Variants in TGFB2 observed in about 807,000 individuals in gnomAD.
The protein encoded by TGFB2 is transforming growth factor beta 2.
Under a neutral mutation model 42.7 loss-of-function variants are expected in TGFB2, and 13 were observed. That is an observed-to-expected ratio of 0.30 (90% CI 0.20 to 0.48). TGFB2 has a LOEUF of 0.48. Among genes scored for constraint, TGFB2 ranks in the 20% least tolerant of loss-of-function variants. The pLI is 0.99. For synonymous variants in TGFB2, 193 were observed against 193.6 expected, an observed-to-expected ratio of 1.00 and a Z score of 0.03; for missense variants, 390 against 517.5, an observed-to-expected ratio of 0.75 and a Z score of 2.39.
At chr1:218,435,262 G>C (rs908341911) in intron 4 of TGFB2, among the ~76,000 whole-genome samples, 3 of 152,132 alleles carry the variant, frequency 2.0e-5, no homozygotes, top group Non-Finnish European at 2.9e-5. Flanking sequence ...AATACTCCCA[G>C]AGGTCTAGAG....
intron 1 of TGFB2, among the ~76,000 whole-genome samples, chr1:218,355,842 T>C (rs1657015193): frequency 6.6e-6 from 1 of 152,242 alleles, no homozygotes; most frequent in Admixed American, 6.5e-5. Flanking sequence ...TAACTAAATG[T>C]CACTGCCAAT....
chr1:218,394,500 C>T (rs1384015211), intron 1 of TGFB2, among the ~76,000 whole-genome samples: 1 of 152,072 alleles, frequency 6.6e-6, no homozygotes, highest in African/African-American at 2.4e-5. Context: ...TAAGAAGGAG[C>T]CCAAACACTC....
intron 1 of TGFB2, among the ~76,000 whole-genome samples, chr1:218,400,272 CT>C (rs1658670758): frequency 6.6e-6 from 1 of 151,818 alleles, no homozygotes; most frequent in Non-Finnish European, 1.5e-5. Context: ...AAACTTTTTC[CT>C]TTGTTCCATG....
At chr1:218,368,417 A>C (rs1051860409) in intron 1 of TGFB2, among the ~76,000 whole-genome samples, 1 of 152,182 alleles carries the variant, frequency 6.6e-6, no homozygotes, top group South Asian at 2.1e-4. Flanking sequence ...GATTACAGGC[A>C]TGAGCCACCG....
At chr1:218,354,914 T>C (rs1656984080) in intron 1 of TGFB2, among the ~76,000 whole-genome samples, 1 of 152,230 alleles carries the variant, frequency 6.6e-6, no homozygotes, top group South Asian at 2.1e-4. Flanking sequence ...TCTGTTTGTT[T>C]GTTTGTGAGA....
chr1:218,350,687 C>T (rs1656842666), intron 1 of TGFB2, among the ~76,000 whole-genome samples: 1 of 152,126 alleles, frequency 6.6e-6, no homozygotes, highest in African/African-American at 2.4e-5. Context: ...ACAGTATGTA[C>T]TTTATTTTTT....
intron 1 of TGFB2, among the ~76,000 whole-genome samples, chr1:218,380,173 G>C (rs1413842676): frequency 6.6e-6 from 1 of 152,152 alleles, no homozygotes; most frequent in Non-Finnish European, 1.5e-5. Context: ...GCACTCACTC[G>C]CATTCATTGG....
intron 1 of TGFB2, among the ~76,000 whole-genome samples, chr1:218,354,852 T>C (rs1261120882): frequency 6.6e-6 from 1 of 152,212 alleles, no homozygotes; most frequent in Non-Finnish European, 1.5e-5. Context: ...TCAACTTTTA[T>C]TTCTGCACTT....
At chr1:218,366,480 A>G (rs1657391312) in intron 1 of TGFB2, among the ~76,000 whole-genome samples, 1 of 152,124 alleles carries the variant, frequency 6.6e-6, no homozygotes, top group Admixed American at 6.5e-5. Context: ...TAATTAAAAA[A>G]AAAATTTTTT....
At chr1:218,360,002 G>C (rs561407129) in intron 1 of TGFB2, among the ~76,000 whole-genome samples, 7 of 152,240 alleles carry the variant, frequency 4.6e-5, no homozygotes, top group African/African-American at 1.7e-4. Context: ...GGTCAAATGA[G>C]GTTCTGTAAA....
At chr1:218,385,600 T>TAGAGG (rs1658108548) in intron 1 of TGFB2, among the ~76,000 whole-genome samples, 2 of 152,206 alleles carry the variant, frequency 1.3e-5, no homozygotes, top group Admixed American at 1.3e-4. Flanking sequence ...ACCAAGATCT[T>TAGAGG]CTCACATAGC....
In TGFB2 at chr1:218,347,933, A is replaced by ATT. The variant is rs11406779; in HGVS notation, c.346+903_346+904dup. On this transcript the variant is annotated intron_variant, in intron 1 of 6. Transcript: ENST00000366930. Reference sequence around the variant, plus strand: ...AAAACTCAGAGTAGACGACAGCCGTATTTTTTTTTTTTTTTTTTACTGGCT... The same window carrying ATT: ...AAAACTCAGAGTAGACGACAGCCGTATTTTTTTTTTTTTTTTTTTTACTGGCT... Among the ~76,000 whole-genome samples, 118 of 129,882 alleles carry ATT rather than the reference A, an allele frequency of 9.1e-4. 1 individual carries two copies. Among genetic ancestry groups the ATT allele is most frequent in the African/African-American group, 2.7e-3 (96 of 35,908 alleles). 85.2% of individuals were successfully genotyped at this position (129,882 alleles called of 152,430 possible).
intron 1 of TGFB2, among the ~76,000 whole-genome samples, chr1:218,379,114 TTTTC>T (rs376666968): frequency 1.4e-4 from 18 of 130,916 alleles, no homozygotes; most frequent in Non-Finnish European, 2.3e-4. Flanking sequence ...ACATGGTACA[TTTTC>T]TTTCTTTCTT....
At chr1:218,434,567 C>T in intron 4 of TGFB2, 119 bp downstream of exon 4, 1 of 661,994 alleles carries the variant, frequency 1.5e-6, no homozygotes, top group Non-Finnish European at 2.6e-6. Context: ...GAGTTTCATT[C>T]ATTTGGACAG....
intron 4 of TGFB2, among the ~76,000 whole-genome samples, 178 bp downstream of exon 4, chr1:218,434,626 G>A (rs1223442174): frequency 1.3e-5 from 2 of 152,142 alleles, no homozygotes; most frequent in Non-Finnish European, 2.9e-5. Context: ...TTGGAAGAAC[G>A]GAATAGGTTC....
chr1:218,419,360 C>T (rs1248861136), intron 2 of TGFB2, among the ~76,000 whole-genome samples: 1 of 152,210 alleles, frequency 6.6e-6, no homozygotes, highest in African/African-American at 2.4e-5. Context: ...TTAGAGACCA[C>T]CTGCTCAGGG....
intron 1 of TGFB2, 144 bp from the exon 2 acceptor site, chr1:218,405,025 C>A (rs2102594601): frequency 1.2e-6 from 1 of 829,256 alleles, no homozygotes; most frequent in Non-Finnish European, 1.8e-6. Flanking sequence ...TTTCTGGTTA[C>A]ATTGTTAATG....
At chr1:218,363,875 C>T (rs1319431010) in intron 1 of TGFB2, among the ~76,000 whole-genome samples, 10 of 152,208 alleles carry the variant, frequency 6.6e-5, no homozygotes, top group Admixed American at 6.5e-4. Context: ...AGGAGATTTT[C>T]TCTCCTTTAA....
intron 5 of TGFB2, among the ~76,000 whole-genome samples, 164 bp from the exon 6 acceptor site, chr1:218,437,179 G>T (rs1405719267): frequency 6.6e-6 from 1 of 152,112 alleles, no homozygotes; most frequent in Admixed American, 6.6e-5. Context: ...AGTCACTTGA[G>T]ATTACAATAA....
Sources: gnomAD v4.1 joint callset for allele counts (sites outside exome capture counted in the v4.1 genomes callset) on GRCh38, gnomAD v4.1.1 for gene constraint, MANE v1.5 for transcripts, NCBI Gene and HGNC (gene_info 2026-07-23, HGNC 2026-07-21) for gene names.